PARVB: variants seen among roughly 807,000 people sequenced by gnomAD.
PARVB encodes the protein beta-parvin.
Under a neutral mutation model 47.0 loss-of-function variants are expected in PARVB, and 46 were observed. The observed-to-expected ratio is 0.98, with a 90% CI of 0.77 to 1.25. PARVB has a LOEUF of 1.25. PARVB is among the 50% of genes most tolerant of loss of function. The pLI is 0.00. For synonymous variants in PARVB, 196 were observed against 196.3 expected (o/e 1.00, Z 0.01); for missense variants, 473 against 471.6 (o/e 1.00, Z -0.03).
At position 44,068,990 on chromosome 22, in the gene PARVB, G is replaced by A; in HGVS notation, c.113-24938G>A. On this transcript the variant is annotated intron_variant, in intron 1 of 12. Coordinates refer to ENST00000338758, the MANE Select transcript of PARVB (RefSeq NM_013327.5). The surrounding 1 kb of genome is among the most constrained non-coding windows in gnomAD (Gnocchi z 4.1). ...AAACACCCCGGTCCTTCCACAGCCT[G>A]ACCCTCTGTGACCTTCCTCAAAGGC... The A allele has an allele frequency of 1.3e-6, 1 of 741,318 alleles. No individual in the cohort carries two copies. The highest frequency in any genetic ancestry group is 2.2e-6 in the Non-Finnish European group (1 of 451,614). The allele number at this position is 741,318 out of a possible 1,614,324, so 45.9% of individuals were successfully genotyped here. A position where few individuals can be genotyped will look rare whatever the true frequency, so the allele number is the denominator to read the frequency against.
At chr22:44,069,591 C>T (rs890846970) in intron 1 of PARVB, among the ~76,000 whole-genome samples, 15 of 152,042 alleles carry the variant, frequency 9.9e-5, no homozygotes, top group Admixed American at 3.3e-4. Flanking sequence ...TGCAATGGCG[C>T]GATCTTGGCT....
chr22:44,016,675 G>A (rs1279988733), intron 2 of PARVB, among the ~76,000 whole-genome samples: 1 of 152,150 alleles, frequency 6.6e-6, no homozygotes, highest in African/African-American at 2.4e-5. Context: ...AGCTGAAGGG[G>A]GCTGGAAGGG....
intron 1 of PARVB, among the ~76,000 whole-genome samples, chr22:44,088,917 C>T (rs1400939547): frequency 6.6e-6 from 1 of 152,108 alleles, no homozygotes; most frequent in Admixed American, 6.5e-5. Flanking sequence ...TTCTGTAATC[C>T]GAGGTTGTGT....
rs752868078 is a variant in PARVB, at chr22:44,136,463, C to T, written c.637C>T (p.Arg213Trp). Residue 213 changes from arginine (R) to tryptophan (W), a missense_variant, in exon 7 of 13, where the codon CGG becomes TGG. Coordinates refer to ENST00000338758, the MANE Select transcript of PARVB (RefSeq NM_013327.5). The stretch of plus-strand genomic sequence containing the variant: ...ATGTTTATTTTGGGGTTTTCAGAAA[C>T]GGGAAGGCCTGCTGCATTCCAGCCA... ...VTVQVVVVRK[R>W]EGLLHSSHIS... 20 of 1,613,788 alleles carry T rather than the reference C, an allele frequency of 1.2e-5. No individual in the cohort carries two copies. In the East Asian group the frequency reaches 1.8e-4, roughly 14 times the overall value.
At chr22:44,042,328 G>A (rs1266484426) in intron 1 of PARVB, among the ~76,000 whole-genome samples, 1 of 152,170 alleles carries the variant, frequency 6.6e-6, no homozygotes, top group Non-Finnish European at 1.5e-5. Context: ...GGCTGAGGTG[G>A]GAGAATCGCT....
intron 1 of PARVB, among the ~76,000 whole-genome samples, chr22:44,031,830 T>C (rs2050832347): frequency 6.6e-6 from 1 of 152,186 alleles, no homozygotes; most frequent in African/African-American, 2.4e-5. Context: ...TCCGTTGGAT[T>C]GATTCCTCCC....
At chr22:44,091,270 C>A (rs531086329) in intron 1 of PARVB, among the ~76,000 whole-genome samples, 2 of 139,302 alleles carry the variant, frequency 1.4e-5, no homozygotes, top group African/African-American at 2.7e-5. Flanking sequence ...CTGGAGAGGG[C>A]CTGCTTTTTT....
chr22:44,145,643 T>G (rs1273866488), intron 8 of PARVB: 1 of 152,230 alleles, frequency 6.6e-6, no homozygotes, highest in East Asian at 1.9e-4. Context: ...TGGTCCCCAG[T>G]GCCCATTTTC....
At chr22:44,082,290 A>G (rs537608735) in intron 1 of PARVB, among the ~76,000 whole-genome samples, 2 of 152,290 alleles carry the variant, frequency 1.3e-5, no homozygotes, top group East Asian at 3.9e-4. Context: ...AGGCCGAGGC[A>G]GGTGGATCAC....
At chr22:44,030,125 C>A (rs1020838574) in intron 1 of PARVB, among the ~76,000 whole-genome samples, 11 of 152,240 alleles carry the variant, frequency 7.2e-5, no homozygotes, top group African/African-American at 2.7e-4. Context: ...CTAAGACGCA[C>A]CAGTGAAGGG....
chr22:44,071,874 C>A (rs1038334226), intron 1 of PARVB, among the ~76,000 whole-genome samples: 3 of 152,202 alleles, frequency 2.0e-5, no homozygotes, highest in South Asian at 2.1e-4. Flanking sequence ...TTGCTGAGAA[C>A]CCCTGTAGGC....
chr22:44,115,958 A>ACTAAGGCCCTGTACCAACACAGATC (rs2052889356), intron 3 of PARVB: 1 of 68,024 alleles, frequency 1.5e-5, no homozygotes, highest in African/African-American at 5.9e-5. Flanking sequence ...CAACACAGAT[A>ACTAAGGCCCTGTACCAACACAGATC]CATTGTTACT....
At chr22:44,111,475 G>T (rs1286055166) in intron 3 of PARVB, 4 of 99,590 alleles carry the variant, frequency 4.0e-5, no homozygotes, top group African/African-American at 1.7e-4. Context: ...TTTGAGACAG[G>T]GTCTTGCTCT....
chr22:44,157,134 C>T (rs1242807732), intron 10 of PARVB, among the ~76,000 whole-genome samples: 1 of 152,222 alleles, frequency 6.6e-6, no homozygotes, highest in Non-Finnish European at 1.5e-5. Context: ...TGAATAGCAG[C>T]TCCAGAGGCC....
intron 1 of PARVB, among the ~76,000 whole-genome samples, chr22:44,079,753 C>A (rs1240861432): frequency 1.3e-5 from 2 of 152,120 alleles, no homozygotes; most frequent in Non-Finnish European, 2.9e-5. Context: ...CATGGTGAAA[C>A]CCCGTCTCTA....
In PARVB at chr22:44,026,268, A is replaced by G. The variant is rs1230196800; in HGVS notation, c.112+1817A>G. On this transcript the variant is annotated intron_variant, in intron 1 of 12. Coordinates refer to ENST00000338758, the MANE Select transcript of PARVB (RefSeq NM_013327.5). ...TCAGGCCCAGCCTGGTTTAATTCAA[A>G]TGCACCAAGAATTCCGGTAGCAGGA... is the stretch of plus-strand genomic sequence containing the variant. 4 of 973,390 alleles carry G rather than the reference A, an allele frequency of 4.1e-6. No homozygotes were observed. The East Asian group carries it at 3.4e-4, about 83-fold the overall frequency. 60.3% of individuals were successfully genotyped at this position (973,390 alleles called of 1,614,324 possible).
At chr22:44,057,231 T>C (rs2051332084) in intron 1 of PARVB, among the ~76,000 whole-genome samples, 1 of 152,166 alleles carries the variant, frequency 6.6e-6, no homozygotes, top group Non-Finnish European at 1.5e-5. Flanking sequence ...TAAATTATTT[T>C]TTAAAAATGT....
At chr22:44,041,147 A>G (rs1215839314) in intron 1 of PARVB, among the ~76,000 whole-genome samples, 2 of 152,206 alleles carry the variant, frequency 1.3e-5, no homozygotes, top group Non-Finnish European at 2.9e-5. Context: ...AAACAAGTAT[A>G]GACAAAGGTG....
chr22:44,092,229 G>A (rs560654485), intron 1 of PARVB, among the ~76,000 whole-genome samples: 2 of 152,256 alleles, frequency 1.3e-5, no homozygotes, highest in South Asian at 4.1e-4. Flanking sequence ...TCCCACCTCA[G>A]CCTCCTGAGT....
Sources: gnomAD v4.1 joint callset for allele counts (sites outside exome capture counted in the v4.1 genomes callset) on GRCh38, gnomAD v4.1.1 for gene constraint, Gnocchi (gnomAD v3.1) non-coding constraint, MANE v1.5 for transcripts, NCBI Gene and HGNC (gene_info 2026-07-23, HGNC 2026-07-21) for gene names.